SAMD12: variants seen among roughly 807,000 people sequenced by gnomAD.
SAMD12 encodes sterile alpha motif domain-containing protein 12.
Under a neutral mutation model 15.0 loss-of-function variants are expected in SAMD12, and 9 were observed. That is an observed-to-expected ratio of 0.60 (90% CI 0.36 to 1.05). The LOEUF (loss-of-function observed/expected upper bound fraction) is 1.05, where lower values mean the gene tolerates loss of function less well. SAMD12 is among the 50% of genes least tolerant of loss of function. SAMD12 has a pLI of 0.01. For synonymous variants in SAMD12, 86 were observed against 90.1 expected (o/e 0.96, Z 0.25); for missense variants, 230 against 234.2 (o/e 0.98, Z 0.12).
intron 4 of SAMD12, among the ~76,000 whole-genome samples, chr8:118,322,896 GT>G (rs1173079081): frequency 2.0e-5 from 3 of 151,940 alleles, no homozygotes; most frequent in African/African-American, 7.3e-5. Context: ...AAAAATATTT[GT>G]TGTGGCAGAG....
At chr8:118,200,022 G>A (rs760387481) in intron 4 of SAMD12, among the ~76,000 whole-genome samples, 5 of 152,096 alleles carry the variant, frequency 3.3e-5, no homozygotes, top group South Asian at 2.1e-4. Context: ...TATTGTTCTC[G>A]TAGTAATGAA....
intron 4 of SAMD12, among the ~76,000 whole-genome samples, chr8:118,246,257 G>C (rs1252188814): frequency 6.6e-6 from 1 of 152,160 alleles, no homozygotes; most frequent in Non-Finnish European, 1.5e-5. Flanking sequence ...TAAAGTCTGA[G>C]CCAATCATGA....
intron 3 of SAMD12, among the ~76,000 whole-genome samples, chr8:118,436,296 T>C (rs1189725537): frequency 1.3e-5 from 2 of 152,218 alleles, no homozygotes; most frequent in Admixed American, 1.3e-4. Flanking sequence ...CATCATCCCA[T>C]TTAATCTTCC....
intron 2 of SAMD12, among the ~76,000 whole-genome samples, chr8:118,568,829 A>G (rs1051369334): frequency 5.3e-5 from 8 of 152,306 alleles, no homozygotes; most frequent in African/African-American, 1.9e-4. Flanking sequence ...TTGCTCCTTC[A>G]CTGACCTCAG....
chr8:118,532,629 C>A (rs916532789), intron 2 of SAMD12, among the ~76,000 whole-genome samples: 2 of 152,128 alleles, frequency 1.3e-5, no homozygotes, highest in African/African-American at 4.8e-5. Flanking sequence ...TGTTATTGGT[C>A]TATTCAGAGA....
Position 118,321,174 on chromosome 8 carries a change from T to A in SAMD12, c.433+58386A>T, listed in dbSNP as rs1341563493. On this transcript the variant is annotated intron_variant, in intron 4 of 4. Transcript: ENST00000409003. Reference sequence around the variant, plus strand: ...ATATATATATATATATATATATATATATATATATATATTCTTCATCAGCCC... The same window carrying A: ...ATATATATATATATATATATATATAAATATATATATATTCTTCATCAGCCC... Among the ~76,000 whole-genome samples the A allele has an allele frequency of 1.8e-5, 2 of 110,284 alleles. 1 individual carries two copies. The highest frequency in any genetic ancestry group is 1.7e-4 in the Admixed American group (2 of 11,818). 72.4% of individuals were successfully genotyped at this position (110,284 alleles called of 152,430 possible).
chr8:118,250,680 T>A (rs79283837), intron 4 of SAMD12, among the ~76,000 whole-genome samples: 10,307 of 151,980 alleles, frequency 0.068, 394 homozygotes, highest in African/African-American at 0.096. Flanking sequence ...TTATTTATTT[T>A]TTTTTATTTT....
chr8:118,140,517 C>T, the SAMD12 span, among the ~76,000 whole-genome samples: 1 of 152,262 alleles, frequency 6.6e-6, no homozygotes, highest in East Asian at 1.9e-4. Context: ...AGCAATCCTC[C>T]TACCTCAGTC....
intron 4 of SAMD12, among the ~76,000 whole-genome samples, chr8:118,243,903 A>C (rs1284871358): frequency 2.0e-5 from 3 of 152,126 alleles, no homozygotes; most frequent in African/African-American, 7.2e-5. Flanking sequence ...ACATTGGGAC[A>C]ATGATTTTCT....
At chr8:118,222,737 T>A (rs1812109838) in intron 4 of SAMD12, among the ~76,000 whole-genome samples, 1 of 152,098 alleles carries the variant, frequency 6.6e-6, no homozygotes, top group Non-Finnish European at 1.5e-5. Context: ...ACTCCTGACC[T>A]CAAGTGATCC....
chr8:118,205,856 G>A (rs1249930928), intron 4 of SAMD12, among the ~76,000 whole-genome samples: 2 of 152,164 alleles, frequency 1.3e-5, no homozygotes, highest in Non-Finnish European at 2.9e-5. Context: ...CACACATTGA[G>A]AACGTGAGAG....
intron 1 of SAMD12, among the ~76,000 whole-genome samples, chr8:118,617,954 G>A (rs1311308436): frequency 2.6e-5 from 4 of 151,918 alleles, no homozygotes; most frequent in African/African-American, 9.7e-5. Flanking sequence ...GGATTAGTTT[G>A]GGGTCCCTGC....
rs148992978 is a variant in SAMD12 at position 118,442,095 on chromosome 8, C to A, written c.193-2134G>T. 5.9e-3 allele frequency among the ~76,000 whole-genome samples: 894 copies of A among 152,242 alleles called. 7 individuals carry two copies. Among genetic ancestry groups the A allele is most frequent in the African/African-American group, 0.018 (753 of 41,540 alleles). On this transcript the variant is annotated intron_variant, in intron 2 of 3. Coordinates refer to ENST00000314727, the MANE Select transcript of SAMD12 (RefSeq NM_207506.3). ...TGCAGTGCCCTGAGTGAATCCTTGA[C>A]CCACATAATCCATGAGCATCATAAA...
At chr8:118,263,370 A>G (rs1813126115) in intron 4 of SAMD12, among the ~76,000 whole-genome samples, 1 of 152,218 alleles carries the variant, frequency 6.6e-6, no homozygotes, top group East Asian at 1.9e-4. Context: ...AACTAGAACA[A>G]GAAAATCAGG....
intron 4 of SAMD12, among the ~76,000 whole-genome samples, chr8:118,251,603 C>T (rs768764793): frequency 1.3e-5 from 2 of 152,090 alleles, no homozygotes; most frequent in Non-Finnish European, 2.9e-5. Context: ...AACTGTTCTG[C>T]GTTGCTGGCC....
At chr8:118,552,412 A>G (rs867532463) in intron 2 of SAMD12, among the ~76,000 whole-genome samples, 4 of 152,146 alleles carry the variant, frequency 2.6e-5, no homozygotes, top group Non-Finnish European at 4.4e-5. Context: ...TATAAACAGA[A>G]CCAAAGACAA....
intron 2 of SAMD12, among the ~76,000 whole-genome samples, chr8:118,574,415 T>C (rs983923879): frequency 1.3e-5 from 2 of 152,258 alleles, no homozygotes; most frequent in Non-Finnish European, 2.9e-5. Flanking sequence ...ATGTGTTAGA[T>C]AAACTGTGTT....
intron 4 of SAMD12, among the ~76,000 whole-genome samples, chr8:118,232,138 TA>T (rs1812324517): frequency 6.6e-6 from 1 of 152,180 alleles, no homozygotes; most frequent in Non-Finnish European, 1.5e-5. Context: ...CCCACTGTTC[TA>T]CATGAGGAGG....
chr8:118,298,853 A>G (rs1814866845), intron 4 of SAMD12, among the ~76,000 whole-genome samples: 1 of 152,212 alleles, frequency 6.6e-6, no homozygotes, highest in Non-Finnish European at 1.5e-5. Flanking sequence ...GAATATTGAG[A>G]TGATATTTGA....
Sources: gnomAD v4.1 joint callset for allele counts (sites outside exome capture counted in the v4.1 genomes callset) on GRCh38, gnomAD v4.1.1 for gene constraint, MANE v1.5 for transcripts, NCBI Gene and HGNC (gene_info 2026-07-23, HGNC 2026-07-21) for gene names.